The following PDCD6IP variants were observed in gnomAD, a reference collection of about 807,000 sequenced individuals.
PDCD6IP encodes programmed cell death 6 interacting protein, also known as programmed cell death 6-interacting protein.
Under a neutral mutation model 103.7 loss-of-function variants are expected in PDCD6IP, and 43 were observed. The ratio of observed to expected loss-of-function variants is 0.41; its 90% CI spans 0.32 to 0.53. The LOEUF (loss-of-function observed/expected upper bound fraction) is 0.53, where lower values mean the gene tolerates loss of function less well. Among genes scored for constraint, PDCD6IP ranks in the 20% least tolerant of loss-of-function variants. PDCD6IP has a pLI of 0.16. For synonymous variants in PDCD6IP, 354 were observed against 378.7 expected (o/e 0.93, Z 0.76); for missense variants, 871 against 1,036.7 (o/e 0.84, Z 2.20).
chr3:33,822,037 C>T lies in PDCD6IP; in HGVS notation c.417C>T (p.Asn139=). The T allele has an allele frequency of 6.2e-7, 1 of 1,614,038 alleles. No homozygotes were observed. The highest frequency in any genetic ancestry group is 8.5e-7 in the Non-Finnish European group (1 of 1,179,950). Residue 139 remains asparagine (N), a synonymous_variant, in exon 4 of 18, where the codon AAC becomes AAT. Transcript: ENST00000307296. ...ALASQIAAEQ[N]LDNDEGLKIA... ...CTAGCCAAATTGCAGCAGAACAGAA[C>T]CTGGATAATGATGAAGGATTGAAAA... is the stretch of plus-strand genomic sequence containing the variant.
intron 8 of PDCD6IP, among the ~76,000 whole-genome samples, chr3:33,838,001 T>G (rs1697387741): frequency 6.6e-6 from 1 of 152,202 alleles, no homozygotes; most frequent in South Asian, 2.1e-4. Flanking sequence ...CTTTTCATTG[T>G]TGCCGTTGTC....
intron 11 of PDCD6IP, among the ~76,000 whole-genome samples, chr3:33,845,118 TTTC>T (rs1259898018): frequency 1.3e-5 from 2 of 152,128 alleles, no homozygotes; most frequent in Non-Finnish European, 2.9e-5. Context: ...GAGAGAATGA[TTTC>T]TTCTTCATTC....
intron 1 of PDCD6IP, among the ~76,000 whole-genome samples, chr3:33,804,571 G>A (rs977543341): frequency 1.3e-5 from 2 of 152,196 alleles, no homozygotes; most frequent in African/African-American, 4.8e-5. Flanking sequence ...ATAAACATAT[G>A]GGAAGATTTA....
intron 1 of PDCD6IP, among the ~76,000 whole-genome samples, chr3:33,804,213 A>G (rs910739563): frequency 2.0e-5 from 3 of 152,194 alleles, no homozygotes; most frequent in African/African-American, 7.2e-5. Context: ...TCACAAAGCT[A>G]GAGTCCCAGT....
intron 3 of PDCD6IP, among the ~76,000 whole-genome samples, chr3:33,814,955 A>G (rs1393801229): frequency 1.4e-5 from 2 of 147,314 alleles, no homozygotes; most frequent in Non-Finnish European, 3.0e-5. Flanking sequence ...CATGCATTAT[A>G]TATAAGTATG....
At chr3:33,810,203 C>A (rs1696684832) in intron 1 of PDCD6IP, among the ~76,000 whole-genome samples, 1 of 152,108 alleles carries the variant, frequency 6.6e-6, no homozygotes, top group Non-Finnish European at 1.5e-5. Context: ...CTAATTTCAT[C>A]TAGACTATGG....
intron 5 of PDCD6IP, 32 bp downstream of exon 5, chr3:33,825,372 A>T (rs1002669975): frequency 6.5e-7 from 1 of 1,541,080 alleles, no homozygotes. Flanking sequence ...GTTGCATGTG[A>T]AAAAAAGTGA....
intron 6 of PDCD6IP, 44 bp from the exon 7 acceptor site, chr3:33,828,809 T>C: frequency 6.2e-7 from 1 of 1,607,760 alleles, no homozygotes; most frequent in Non-Finnish European, 8.5e-7. Context: ...TCTGTGGTGG[T>C]TTGTGTGGTT....
At chr3:33,847,981 A>T (rs1374320705) in intron 12 of PDCD6IP, among the ~76,000 whole-genome samples, 3 of 134,958 alleles carry the variant, frequency 2.2e-5, no homozygotes, top group Non-Finnish European at 4.6e-5. Flanking sequence ...GGGTACCTTT[A>T]AAAAAAAAAA....
intron 1 of PDCD6IP, among the ~76,000 whole-genome samples, chr3:33,807,872 A>C (rs533541178): frequency 6.6e-6 from 1 of 152,312 alleles, no homozygotes; most frequent in African/African-American, 2.4e-5. Flanking sequence ...TGTTCAGAAA[A>C]AGTTTGCCAG....
Position 33,806,097 on chromosome 3 carries a change from A to T in PDCD6IP, c.210-5975A>T, listed in dbSNP as rs886414231. Among the ~76,000 whole-genome samples, 5 of 152,068 alleles carry T rather than the reference A, an allele frequency of 3.3e-5. No homozygotes were observed. The South Asian group carries it at 8.3e-4, about 25-fold the overall frequency. On this transcript the variant is annotated intron_variant, in intron 1 of 17. Transcript: ENST00000307296. ...TCCTGTACCTATTTGTGGTATTTCA[A>T]AGAAATGTATTTATTTCCTAGTTTC...
At chr3:33,829,081 A>C in intron 7 of PDCD6IP, 112 bp downstream of exon 7, 2 of 651,744 alleles carry the variant, frequency 3.1e-6, no homozygotes, top group Non-Finnish European at 4.7e-6. Context: ...CACCCCTATC[A>C]GCAGGGACAA....
chr3:33,864,498 G>A (rs962519917), intron 16 of PDCD6IP, among the ~76,000 whole-genome samples: 5 of 152,086 alleles, frequency 3.3e-5, no homozygotes, highest in Non-Finnish European at 5.9e-5. Flanking sequence ...TTAAAAAAGA[G>A]GCATATTCTA....
chr3:33,853,465 G>A (rs1284885506), intron 13 of PDCD6IP, among the ~76,000 whole-genome samples: 3 of 152,206 alleles, frequency 2.0e-5, no homozygotes, highest in African/African-American at 7.2e-5. Context: ...GTTAGTTTTC[G>A]TGTTTACAGA....
intron 4 of PDCD6IP, among the ~76,000 whole-genome samples, chr3:33,824,423 A>G (rs1352904499): frequency 6.6e-6 from 1 of 151,822 alleles, no homozygotes; most frequent in Non-Finnish European, 1.5e-5. Context: ...ATGCCCAGCT[A>G]ATTTTTGTAT....
intron 1 of PDCD6IP, among the ~76,000 whole-genome samples, chr3:33,805,039 C>G (rs1014372539): frequency 8.5e-5 from 13 of 152,068 alleles, no homozygotes; most frequent in African/African-American, 2.9e-4. Context: ...GTTCTTGATC[C>G]CCACACCTTC....
intron 3 of PDCD6IP, among the ~76,000 whole-genome samples, chr3:33,818,150 G>T (rs1241020010): frequency 1.4e-5 from 2 of 146,102 alleles, no homozygotes; most frequent in Admixed American, 6.9e-5. Context: ...GTTGCCCAGG[G>T]TGGATGGAGG....
At chr3:33,863,914 A>C in intron 15 of PDCD6IP, 92 bp from the exon 16 acceptor site, 1 of 788,920 alleles carries the variant, frequency 1.3e-6, no homozygotes, top group African/African-American at 1.7e-5. Flanking sequence ...TCCATTTTCT[A>C]TGTTTCATGT....
In PDCD6IP at chr3:33,842,160, G is replaced by A. The variant is rs981471094; in HGVS notation, c.1359+86G>A. 4.6e-6 allele frequency: 4 copies of A among 878,254 alleles called. No individual in the cohort carries two copies. In the African/African-American group the frequency reaches 5.0e-5, roughly 11 times the overall value. The allele number at this position is 878,254 out of a possible 1,614,324, so 54.4% of individuals were successfully genotyped here. On this transcript the variant is annotated intron_variant, in intron 10 of 17. Coordinates refer to ENST00000307296, the MANE Select transcript of PDCD6IP (RefSeq NM_013374.6). ...GGATTGGGACTGGAGACTTCCTCAT[G>A]CTAGTACAGTGTAGTTAGTATTCAT...
Sources: gnomAD v4.1 joint callset for allele counts (sites outside exome capture counted in the v4.1 genomes callset) on GRCh38, gnomAD v4.1.1 for gene constraint, MANE v1.5 for transcripts, NCBI Gene and HGNC (gene_info 2026-07-23, HGNC 2026-07-21) for gene names.